The following TSPEAR variants were observed in gnomAD, a reference collection of about 807,000 sequenced individuals.
TSPEAR encodes thrombospondin-type laminin G domain and EAR repeat-containing protein.
A neutral mutation model predicts 71.6 loss-of-function variants in TSPEAR; 69 were observed. That is an observed-to-expected ratio of 0.96 (90% CI 0.79 to 1.18). The LOEUF (loss-of-function observed/expected upper bound fraction) is 1.18. TSPEAR is among the 50% of genes most tolerant of loss of function. TSPEAR has a pLI of 0.00. For synonymous variants in TSPEAR, 402 were observed against 387.2 expected, an observed-to-expected ratio of 1.04 and a Z score of -0.45; for missense variants, 971 against 894.9, an observed-to-expected ratio of 1.09 and a Z score of -1.09.
At chr21:44,690,971 G>A (rs1555949668) in intron 1 of TSPEAR, among the ~76,000 whole-genome samples, 1 of 152,204 alleles carries the variant, frequency 6.6e-6, no homozygotes, top group African/African-American at 2.4e-5. Context: ...TGACCTAGAA[G>A]TCAAGTCTGT....
intron 1 of TSPEAR, among the ~76,000 whole-genome samples, chr21:44,573,417 A>G (rs1978291709): frequency 6.6e-6 from 1 of 152,046 alleles, no homozygotes; most frequent in African/African-American, 2.4e-5. Context: ...ACACACGTGG[A>G]CCATGCCACC....
chr21:44,550,402 C>T, intron 2 of TSPEAR: 1 of 594,934 alleles, frequency 1.7e-6, no homozygotes, highest in Non-Finnish European at 3.1e-6. Flanking sequence ...GAGGGTGACG[C>T]TCCTGGGGGT....
intron 1 of TSPEAR, among the ~76,000 whole-genome samples, chr21:44,703,664 C>G (rs1203637844): frequency 6.6e-6 from 1 of 152,178 alleles, no homozygotes; most frequent in East Asian, 1.9e-4. Flanking sequence ...TTCTGTGGCC[C>G]CAGGTCTAGC....
In TSPEAR at chr21:44,499,889, A is replaced by T; in HGVS notation, c.1904T>A (p.Val635Asp). 1 of 1,607,700 alleles carries T rather than the reference A, an allele frequency of 6.2e-7. No homozygotes were observed. The highest frequency in any genetic ancestry group is 8.5e-7 in the Non-Finnish European group (1 of 1,178,070). The change falls in exon 12 of 12, where the codon GTC (valine) becomes GAC (aspartate). Residue 635 changes from valine (V) to aspartate (D), a missense_variant. Coordinates refer to ENST00000323084, the MANE Select transcript of TSPEAR (RefSeq NM_144991.3). The part of the protein sequence containing the change: ...GFVAVHSLPT[V>D]GCRDWEAFST... ...GAAGGCCTCCCAGTCCCTGCAGCCG[A>T]CGGTGGGGAGGCTGTGCACCGCCAC...
Position 44,506,482 on chromosome 21 carries a change from G to A in TSPEAR, c.1755-1601C>T, listed in dbSNP as rs1201725670. On this transcript the variant is annotated intron_variant, in intron 10 of 11. Coordinates refer to ENST00000323084, the MANE Select transcript of TSPEAR (RefSeq NM_144991.3). This position sits in a 1 kb window ranked among gnomAD's most constrained non-coding sequence, Gnocchi z 4.2. ...CAGTTGTGGGGCCGGCCTGCAGCAG[G>A]GGCTCAGACAGGGCCTTGGGAGAGG... 6.6e-6 allele frequency among the ~76,000 whole-genome samples: 1 copy of A among 152,250 alleles called. No homozygotes were observed. Among genetic ancestry groups the A allele is most frequent in the Non-Finnish European group, 1.5e-5 (1 of 68,036 alleles).
At chr21:44,602,573 G>T (rs367607358) in intron 1 of TSPEAR, among the ~76,000 whole-genome samples, 1 of 152,204 alleles carries the variant, frequency 6.6e-6, no homozygotes, top group Admixed American at 6.5e-5. Context: ...GGCTCCCCCC[G>T]GCCCCGCCTC....
intron 9 of TSPEAR, chr21:44,517,284 T>G (rs1555913565): frequency 1.3e-5 from 2 of 157,540 alleles, no homozygotes; most frequent in African/African-American, 4.8e-5. Flanking sequence ...TCTGGTTGAG[T>G]ACCTGGGCTT....
chr21:44,529,025 TC>T (rs2052913062), intron 5 of TSPEAR, among the ~76,000 whole-genome samples: 1 of 152,160 alleles, frequency 6.6e-6, no homozygotes, highest in Non-Finnish European at 1.5e-5. Flanking sequence ...GGGTCCTAAT[TC>T]TGCCACCTCT....
At chr21:44,580,565 G>A (rs1339188137) in intron 1 of TSPEAR, 2 of 1,611,512 alleles carry the variant, frequency 1.2e-6, no homozygotes, top group African/African-American at 2.7e-5. Context: ...GACGGACATG[G>A]TGCACGCGGC....
At chr21:44,556,106 G>C (rs781905620) in intron 2 of TSPEAR, among the ~76,000 whole-genome samples, 2 of 152,240 alleles carry the variant, frequency 1.3e-5, no homozygotes, top group Non-Finnish European at 2.9e-5. Flanking sequence ...TGCCGGGCAC[G>C]GTGGCTCACG....
At chr21:44,699,017 A>G (rs60467023) in intron 1 of TSPEAR, among the ~76,000 whole-genome samples, 2,719 of 152,222 alleles carry the variant, frequency 0.018, 77 homozygotes, top group African/African-American at 0.062. Flanking sequence ...CCTGGCCAAC[A>G]TAGTGAGACC....
intron 1 of TSPEAR, among the ~76,000 whole-genome samples, chr21:44,709,765 C>T (rs1487305796): frequency 6.6e-6 from 1 of 152,250 alleles, no homozygotes; most frequent in Non-Finnish European, 1.5e-5. Flanking sequence ...GCCTACAGAG[C>T]GAGCGCGCGC....
At chr21:44,558,304 G>A in intron 2 of TSPEAR, 1 of 1,614,114 alleles carries the variant, frequency 6.2e-7, no homozygotes, top group East Asian at 2.2e-5. Flanking sequence ...CTAGACTGCT[G>A]GCAGCATGAA....
chr21:44,585,645 G>C (rs1979287940), intron 1 of TSPEAR, among the ~76,000 whole-genome samples: 2 of 152,136 alleles, frequency 1.3e-5, no homozygotes, highest in African/African-American at 4.8e-5. Flanking sequence ...CTCAGGGTCT[G>C]TTATGAGGAC....
chr21:44,591,714 C>T (rs782092873), intron 1 of TSPEAR: 1 of 1,596,538 alleles, frequency 6.3e-7, no homozygotes, highest in East Asian at 2.3e-5. Context: ...AGCAAGCTGG[C>T]TGGCAGCTAG....
chr21:44,539,779 C>T lies in TSPEAR; in HGVS notation c.304-5856G>A, dbSNP rs1555916916. 5 of 1,612,126 alleles carry T rather than the reference C, an allele frequency of 3.1e-6. No homozygotes were observed. In the African/African-American group the frequency reaches 4.0e-5, roughly 13 times the overall value. ...CACAGCAAGTTGGCTGGCAGCTAGA[C>T]TGCTGGCAGCATGAAGAGGAATCCT... is the stretch of plus-strand genomic sequence containing the variant. On this transcript the variant is annotated intron_variant, in intron 2 of 11. Coordinates refer to ENST00000323084, the MANE Select transcript of TSPEAR (RefSeq NM_144991.3).
chr21:44,502,344 C>G (rs2052048986), intron 11 of TSPEAR, among the ~76,000 whole-genome samples: 1 of 152,158 alleles, frequency 6.6e-6, no homozygotes, highest in African/African-American at 2.4e-5. Context: ...CACTAGAAAT[C>G]AAGGGGAAAT....
At chr21:44,590,379 C>T (rs1202323375) in intron 1 of TSPEAR, among the ~76,000 whole-genome samples, 3 of 152,070 alleles carry the variant, frequency 2.0e-5, no homozygotes, top group South Asian at 4.2e-4. Context: ...ACAGGGTCCT[C>T]GGGGTCAGAG....
rs1445764839 is a variant in TSPEAR, at chr21:44,540,466, G to T, written c.304-6543C>A. Among the ~76,000 whole-genome samples, 37 of 152,142 alleles carry T rather than the reference G, an allele frequency of 2.4e-4. 1 individual carries two copies. Among genetic ancestry groups the T allele is most frequent in the Non-Finnish European group, 4.4e-5 (3 of 68,004 alleles). ...GTGGAGGTGGACCTGGTCCCAGCACGCCACCAGTGCAGTCCGGGTTGTAAG... is the reference window on the plus strand; with the variant it reads ...GTGGAGGTGGACCTGGTCCCAGCACTCCACCAGTGCAGTCCGGGTTGTAAG... On this transcript the variant is annotated intron_variant, in intron 2 of 11. Coordinates refer to ENST00000323084, the MANE Select transcript of TSPEAR (RefSeq NM_144991.3).
Sources: allele counts gnomAD v4.1 joint callset (sites outside exome capture counted in the v4.1 genomes callset), GRCh38; gene constraint gnomAD v4.1.1; non-coding constraint Gnocchi (gnomAD v3.1); transcripts MANE v1.5; gene names NCBI Gene and HGNC (gene_info 2026-07-23, HGNC 2026-07-21).